CTNNA2: variants seen among roughly 807,000 people sequenced by gnomAD.
The protein encoded by CTNNA2 is catenin alpha 2, also known as catenin alpha-2.
A neutral mutation model predicts 101.0 loss-of-function variants in CTNNA2; 42 were observed. That is an observed-to-expected ratio of 0.42 (90% CI 0.32 to 0.54). The LOEUF (loss-of-function observed/expected upper bound fraction) is 0.54. Among genes scored for constraint, CTNNA2 ranks in the 20% least tolerant of loss-of-function variants. CTNNA2 has a pLI of 0.14. For missense variants in CTNNA2, 871 were observed against 1,223.1 expected (o/e 0.71, Z 4.29); for synonymous variants, 450 against 456.4 (o/e 0.99, Z 0.18).
At position 80,302,711 on chromosome 2, in the gene CTNNA2, G is replaced by C; in HGVS notation, c.1057-90500G>C. On this transcript the variant is annotated intron_variant, in intron 7 of 18. Coordinates refer to ENST00000402739, the MANE Select transcript of CTNNA2 (RefSeq NM_001282597.3). This position sits in a 1 kb window ranked among gnomAD's most constrained non-coding sequence, Gnocchi z 6.4. Reference sequence around the variant, plus strand: ...GACGGCCGAGAGCAGGTGGCCGCTGGTGGGCTCGGCCCCATCCTCGCACAG... The same window carrying C: ...GACGGCCGAGAGCAGGTGGCCGCTGCTGGGCTCGGCCCCATCCTCGCACAG... 6.2e-7 allele frequency: 1 copy of C among 1,612,828 alleles called. No homozygotes were observed. The highest frequency in any genetic ancestry group is 8.5e-7 in the Non-Finnish European group (1 of 1,179,816).
rs575767224 is a variant in CTNNA2 at position 79,190,172 on chromosome 2, G to T, written c.-524+4741G>T. Reference sequence around the variant, plus strand: ...TAATCATACTAATAATTTTTGATTGGGATGTTCCAAATATGTCAATTAAGC... The same window carrying T: ...TAATCATACTAATAATTTTTGATTGTGATGTTCCAAATATGTCAATTAAGC... On this transcript the variant is annotated intron_variant, in intron 1 of 21. Coordinates refer to the CTNNA2 transcript ENST00000466387. Among the ~76,000 whole-genome samples the T allele has an allele frequency of 2.6e-5, 4 of 151,976 alleles. No homozygotes were observed. In the South Asian group the frequency reaches 8.3e-4, roughly 32 times the overall value.
intron 6 of CTNNA2, among the ~76,000 whole-genome samples, chr2:79,879,591 G>C (rs138408941): frequency 0.025 from 3,732 of 152,060 alleles, 153 homozygotes; most frequent in African/African-American, 0.085. Flanking sequence ...TTGTGAATGG[G>C]AGTTCATTCA....
At chr2:80,067,874 G>A (rs770778253) in intron 7 of CTNNA2, among the ~76,000 whole-genome samples, 4 of 152,152 alleles carry the variant, frequency 2.6e-5, no homozygotes, top group Non-Finnish European at 2.9e-5. Context: ...AACCATGTGA[G>A]TGAGCCGTCT....
intron 9 of CTNNA2, among the ~76,000 whole-genome samples, chr2:80,504,252 C>A (rs576237281): frequency 6.6e-6 from 1 of 152,130 alleles, no homozygotes; most frequent in Non-Finnish European, 1.5e-5. Context: ...AGCCGTTAGC[C>A]AGGGGCTACT....
At chr2:79,588,178 C>G (rs776896253) in intron 1 of CTNNA2, among the ~76,000 whole-genome samples, 1 of 152,144 alleles carries the variant, frequency 6.6e-6, no homozygotes, top group Non-Finnish European at 1.5e-5. Context: ...TTTTAAGGGT[C>G]TTGAGTATAT....
At chr2:79,754,666 G>T (rs2105049881) in intron 3 of CTNNA2, among the ~76,000 whole-genome samples, 1 of 152,206 alleles carries the variant, frequency 6.6e-6, no homozygotes, top group African/African-American at 2.4e-5. Context: ...CTGGCTTTAT[G>T]CCTCTACTCC....
At chr2:80,022,585 G>A (rs879537398) in intron 7 of CTNNA2, among the ~76,000 whole-genome samples, 5 of 152,156 alleles carry the variant, frequency 3.3e-5, no homozygotes, top group Non-Finnish European at 7.4e-5. Context: ...GCAACATAGT[G>A]AGACCTTATC....
chr2:79,201,601 C>G (rs1355744957), intron 2 of CTNNA2, among the ~76,000 whole-genome samples: 1 of 152,034 alleles, frequency 6.6e-6, no homozygotes, highest in African/African-American at 2.4e-5. Context: ...GCAAAATAAT[C>G]TTTAAATATT....
intron 4 of CTNNA2, among the ~76,000 whole-genome samples, chr2:79,491,220 T>C (rs1274059144): frequency 6.6e-6 from 1 of 152,182 alleles, no homozygotes; most frequent in Non-Finnish European, 1.5e-5. Context: ...TATTTATACT[T>C]CAACTTGCAT....
At chr2:80,292,661 C>T (rs557155181) in intron 7 of CTNNA2, among the ~76,000 whole-genome samples, 1 of 152,306 alleles carries the variant, frequency 6.6e-6, no homozygotes, top group Non-Finnish European at 1.5e-5. Flanking sequence ...TCTGATAGGC[C>T]TATGCCAGCA....
chr2:80,347,408 T>A (rs1039572447), intron 7 of CTNNA2, among the ~76,000 whole-genome samples: 3 of 145,062 alleles, frequency 2.1e-5, no homozygotes, highest in Non-Finnish European at 4.5e-5. Flanking sequence ...AAAACTTGCT[T>A]TGGACTGCTT....
intron 9 of CTNNA2, among the ~76,000 whole-genome samples, chr2:80,423,002 A>T (rs181939559): frequency 1.5e-4 from 23 of 152,110 alleles, no homozygotes; most frequent in Admixed American, 1.3e-3. Flanking sequence ...TCCATAATAC[A>T]TTTGTATTTT....
intron 3 of CTNNA2, among the ~76,000 whole-genome samples, chr2:79,365,663 G>T (rs1417944570): frequency 6.6e-6 from 1 of 151,256 alleles, no homozygotes; most frequent in Non-Finnish European, 1.5e-5. Context: ...AAAAAGGGAA[G>T]TGGGGGGGAC....
At chr2:80,046,475 C>A (rs1696532383) in intron 7 of CTNNA2, among the ~76,000 whole-genome samples, 1 of 152,132 alleles carries the variant, frequency 6.6e-6, no homozygotes, top group African/African-American at 2.4e-5. Flanking sequence ...AGCTCTCTTC[C>A]TCCTGCCTGG....
At chr2:79,536,574 A>AGTGTGTGTGTGTGTGTGTGT (rs61029469) in intron 1 of CTNNA2, among the ~76,000 whole-genome samples, 10 of 146,712 alleles carry the variant, frequency 6.8e-5, no homozygotes, top group South Asian at 6.6e-4. Context: ...TCTCTAAAGA[A>AGTGTGTGTGTGTGTGTGTGT]GTGTGTGTGT....
intron 2 of CTNNA2, among the ~76,000 whole-genome samples, chr2:79,658,375 G>A (rs1274303414): frequency 6.6e-6 from 1 of 151,922 alleles, no homozygotes; most frequent in Non-Finnish European, 1.5e-5. Context: ...ATGCCTAATG[G>A]TATGCTTACA....
chr2:80,447,740 C>G (rs948136877), intron 9 of CTNNA2, among the ~76,000 whole-genome samples: 7 of 151,704 alleles, frequency 4.6e-5, no homozygotes, highest in African/African-American at 1.7e-4. Context: ...TGTACCCAAC[C>G]TTTCAAACAA....
chr2:79,468,933 A>G (rs1670968264), intron 4 of CTNNA2, among the ~76,000 whole-genome samples: 1 of 152,222 alleles, frequency 6.6e-6, no homozygotes, highest in Admixed American at 6.5e-5. Flanking sequence ...AGCAGGAAAG[A>G]TCTAAAATTG....
At chr2:79,484,015 G>A (rs896481707) in intron 4 of CTNNA2, among the ~76,000 whole-genome samples, 1 of 152,128 alleles carries the variant, frequency 6.6e-6, no homozygotes, top group Non-Finnish European at 1.5e-5. Flanking sequence ...GGCCGAGGCA[G>A]GCAGAACACT....
Sources: allele counts gnomAD v4.1 joint callset (sites outside exome capture counted in the v4.1 genomes callset), GRCh38; gene constraint gnomAD v4.1.1; non-coding constraint Gnocchi (gnomAD v3.1); transcripts MANE v1.5; gene names NCBI Gene and HGNC (gene_info 2026-07-23, HGNC 2026-07-21).